Variants in MCU observed in about 807,000 individuals in gnomAD.
MCU encodes the protein mitochondrial calcium uniporter.
In MCU, 12 loss-of-function variants were observed where a neutral mutation model predicts 45.2. The observed-to-expected ratio is 0.27, with a 90% CI of 0.17 to 0.43. The LOEUF (loss-of-function observed/expected upper bound fraction) is 0.43, where lower values mean the gene tolerates loss of function less well. MCU is among the 20% of genes least tolerant of loss of function. The pLI is 1.00. For missense variants in MCU, 324 were observed against 436.7 expected (o/e 0.74, Z 2.30); for synonymous variants, 160 against 165.1 (o/e 0.97, Z 0.24).
At chr10:72,852,790 C>T (rs1169185863) in intron 2 of MCU, among the ~76,000 whole-genome samples, 1 of 152,194 alleles carries the variant, frequency 6.6e-6, no homozygotes, top group Non-Finnish European at 1.5e-5. Flanking sequence ...GCATAGGCAT[C>T]CTGTGAGGCT....
At chr10:72,830,609 A>C (rs1198952558) in intron 1 of MCU, among the ~76,000 whole-genome samples, 1 of 152,244 alleles carries the variant, frequency 6.6e-6, no homozygotes, top group African/African-American at 2.4e-5. Context: ...AAAAGTTACT[A>C]CATAAACAAA....
intron 1 of MCU, among the ~76,000 whole-genome samples, chr10:72,761,398 A>G (rs1163287179): frequency 1.3e-5 from 2 of 152,320 alleles, no homozygotes; most frequent in East Asian, 3.9e-4. Context: ...TAATTTATAG[A>G]CCTATTTTCA....
intron 1 of MCU, among the ~76,000 whole-genome samples, chr10:72,808,252 A>C (rs981619204): frequency 6.6e-6 from 1 of 152,232 alleles, no homozygotes; most frequent in Non-Finnish European, 1.5e-5. Flanking sequence ...TTACCAGCCA[A>C]ATGAGAACAG....
At chr10:72,865,159 A>G (rs1350842000) in intron 4 of MCU, among the ~76,000 whole-genome samples, 4 of 152,200 alleles carry the variant, frequency 2.6e-5, no homozygotes, top group African/African-American at 9.7e-5. Context: ...TCTCAAATTG[A>G]ATAAGAAAAG....
At chr10:72,855,603 A>T (rs1845277015) in intron 2 of MCU, among the ~76,000 whole-genome samples, 1 of 152,174 alleles carries the variant, frequency 6.6e-6, no homozygotes, top group Admixed American at 6.5e-5. Flanking sequence ...ATTAAATTAT[A>T]ATAAATAGTG....
chr10:72,886,926 T>C lies in MCU; in HGVS notation c.*1104T>C, dbSNP rs971340022. ...CAATTTATCTTTATATAGGAATACATTTCTAGGGCTTCCTTCAAGCCCACT... is the reference window on the plus strand; with the variant it reads ...CAATTTATCTTTATATAGGAATACACTTCTAGGGCTTCCTTCAAGCCCACT... On this transcript the variant is annotated 3_prime_UTR_variant, in exon 8 of 8. Transcript: ENST00000373053. 6.6e-6 allele frequency: 1 copy of C among 152,302 alleles called. No individual in the cohort carries two copies. Among genetic ancestry groups the C allele is most frequent in the Non-Finnish European group, 1.5e-5 (1 of 68,030 alleles). 9.4% of individuals were successfully genotyped at this position (152,302 alleles called of 1,614,324 possible). A position where few individuals can be genotyped will look rare whatever the true frequency, so the allele number is the denominator to read the frequency against.
At chr10:72,790,266 T>C (rs979914021) in intron 1 of MCU, among the ~76,000 whole-genome samples, 1 of 152,208 alleles carries the variant, frequency 6.6e-6, no homozygotes, top group African/African-American at 2.4e-5. Flanking sequence ...GGAAAACACA[T>C]TCCCTGAATC....
At chr10:72,721,563 A>T (rs1843022635) in intron 1 of MCU, among the ~76,000 whole-genome samples, 1 of 152,034 alleles carries the variant, frequency 6.6e-6, no homozygotes, top group African/African-American at 2.4e-5. Context: ...ACCTCATAGG[A>T]TTTTTGCACT....
At chr10:72,843,870 T>A (rs1412393726) in intron 2 of MCU, among the ~76,000 whole-genome samples, 1 of 152,210 alleles carries the variant, frequency 6.6e-6, no homozygotes, top group Non-Finnish European at 1.5e-5. Context: ...TCTCTTGACA[T>A]TTAAAGAAAA....
Position 72,887,043 on chromosome 10 carries a change from C to T in MCU, c.*1221C>T, listed in dbSNP as rs992213368. 2 of 152,336 alleles carry T rather than the reference C, an allele frequency of 1.3e-5. No homozygotes were observed. Among genetic ancestry groups the T allele is most frequent in the Non-Finnish European group, 2.9e-5 (2 of 68,028 alleles). 9.4% of individuals were successfully genotyped at this position (152,336 alleles called of 1,614,324 possible). ...CATTTTCTACCATATTTCCAGATGA[C>T]ATCTGCGCTTGAAGAGTCAAAGGAA... On this transcript the variant is annotated 3_prime_UTR_variant, in exon 8 of 8. Coordinates refer to ENST00000373053, the MANE Select transcript of MCU (RefSeq NM_138357.3).
intron 6 of MCU, among the ~76,000 whole-genome samples, chr10:72,878,990 G>A (rs1174697405): frequency 6.6e-5 from 10 of 152,268 alleles, no homozygotes; most frequent in East Asian, 3.9e-4. Flanking sequence ...CTGACTGGGC[G>A]CGGTGGCTCA....
intron 2 of MCU, among the ~76,000 whole-genome samples, chr10:72,856,740 C>T (rs1845295722): frequency 6.8e-6 from 1 of 146,174 alleles, no homozygotes; most frequent in African/African-American, 2.6e-5. Context: ...TCAAGACCAG[C>T]CTGGGCAACG....
chr10:72,782,581 A>C (rs1309614317), intron 1 of MCU, among the ~76,000 whole-genome samples: 2 of 152,116 alleles, frequency 1.3e-5, no homozygotes, highest in Non-Finnish European at 2.9e-5. Flanking sequence ...CATGTTGGCC[A>C]ATCTAGTCTC....
chr10:72,856,516 T>A (rs1469578732), intron 2 of MCU, among the ~76,000 whole-genome samples: 2 of 152,208 alleles, frequency 1.3e-5, no homozygotes, highest in Non-Finnish European at 2.9e-5. Flanking sequence ...GAAAGCTTGA[T>A]GCATTTTGGA....
At chr10:72,850,575 T>A (rs1163724675) in intron 2 of MCU, among the ~76,000 whole-genome samples, 1 of 152,230 alleles carries the variant, frequency 6.6e-6, no homozygotes, top group Non-Finnish European at 1.5e-5. Context: ...GCATTTGTAT[T>A]TTATGACTGT....
At chr10:72,767,847 G>A (rs1843749997) in intron 1 of MCU, among the ~76,000 whole-genome samples, 1 of 152,108 alleles carries the variant, frequency 6.6e-6, no homozygotes, top group Non-Finnish European at 1.5e-5. Flanking sequence ...CAGTCTTATA[G>A]GAATGAAAAG....
intron 1 of MCU, among the ~76,000 whole-genome samples, chr10:72,786,129 T>C (rs144036835): frequency 5.3e-5 from 8 of 152,282 alleles, no homozygotes; most frequent in East Asian, 1.9e-4. Context: ...ATATGTGAGA[T>C]TGATGTCCAG....
chr10:72,884,298 A>G lies in MCU; in HGVS notation c.894A>G (p.Gln298=), dbSNP rs766353478. 18 of 1,611,076 alleles carry G rather than the reference A, an allele frequency of 1.1e-5. No homozygotes were observed. Among genetic ancestry groups the G allele is most frequent in the Non-Finnish European group, 1.4e-5 (17 of 1,177,374 alleles). Residue 298 remains glutamine (Q), a synonymous_variant, in exon 7 of 8, where the codon CAA becomes CAG. Transcript: ENST00000373053. The stretch of plus-strand genomic sequence containing the variant: ...TTTATCCAGAAGCCAGAGACAGACA[A>G]TACTTACTATTTTTCCATAAAGGAG... ...EYVYPEARDR[Q]YLLFFHKGAK...
rs111640180 is a variant in MCU at position 72,761,742 on chromosome 10, T to C, written c.150+69441T>C. Among the ~76,000 whole-genome samples, 32 of 152,178 alleles carry C rather than the reference T, an allele frequency of 2.1e-4. 1 individual carries two copies. The highest frequency in any genetic ancestry group is 1.5e-5 in the Non-Finnish European group (1 of 68,014). ...CATAGATGGTTACATAGTTTTTTGATTGTATAGATGAAGTATATAGTGGTG... is the reference window on the plus strand; with the variant it reads ...CATAGATGGTTACATAGTTTTTTGACTGTATAGATGAAGTATATAGTGGTG... On this transcript the variant is annotated intron_variant, in intron 1 of 7. Transcript: ENST00000373053.
Sources: allele counts gnomAD v4.1 joint callset (sites outside exome capture counted in the v4.1 genomes callset), GRCh38; gene constraint gnomAD v4.1.1; transcripts MANE v1.5; gene names NCBI Gene and HGNC (gene_info 2026-07-23, HGNC 2026-07-21).